The following COL24A1 variants were observed in gnomAD, a reference collection of about 807,000 sequenced individuals.
COL24A1 encodes the protein collagen type XXIV alpha 1 chain.
COL24A1 carries 224 observed loss-of-function variants against 253.9 expected under a neutral mutation model. The ratio of observed to expected loss-of-function variants is 0.88; its 90% CI spans 0.79 to 0.99. The LOEUF is 0.99. Among genes scored for constraint, COL24A1 ranks in the 50% least tolerant of loss-of-function variants. COL24A1 has a pLI of 0.00. For missense variants in COL24A1, 2,131 were observed against 2,068.5 expected (o/e 1.03, Z -0.59); for synonymous variants, 685 against 673.7 (o/e 1.02, Z -0.26).
At chr1:85,876,121 G>A (rs1262396790) in intron 33 of COL24A1, among the ~76,000 whole-genome samples, 1 of 151,966 alleles carries the variant, frequency 6.6e-6, no homozygotes, top group Non-Finnish European at 1.5e-5. Flanking sequence ...GGAAACGAAT[G>A]ATATAAGAAT....
chr1:85,803,444 A>G (rs1671644263), intron 47 of COL24A1, among the ~76,000 whole-genome samples: 1 of 150,910 alleles, frequency 6.6e-6, no homozygotes, highest in African/African-American at 2.4e-5. Flanking sequence ...AAAAAAAAAA[A>G]ACCATAAACA....
At chr1:86,096,044 C>T (rs1326468902) in intron 5 of COL24A1, among the ~76,000 whole-genome samples, 1 of 152,054 alleles carries the variant, frequency 6.6e-6, no homozygotes, top group Non-Finnish European at 1.5e-5. Flanking sequence ...AAACACCAAA[C>T]AATTCATTTA....
At chr1:86,089,971 G>C (rs1444222558) in intron 6 of COL24A1, among the ~76,000 whole-genome samples, 1 of 152,188 alleles carries the variant, frequency 6.6e-6, no homozygotes, top group Non-Finnish European at 1.5e-5. Context: ...CACGGGCTGT[G>C]GTGGGACCAG....
chr1:85,803,301 G>A (rs1671624019), intron 47 of COL24A1, among the ~76,000 whole-genome samples: 1 of 151,912 alleles, frequency 6.6e-6, no homozygotes, highest in Non-Finnish European at 1.5e-5. Flanking sequence ...ATGGTGGCAT[G>A]CACCTGTAAT....
chr1:86,073,007 A>C (rs1363239829), intron 7 of COL24A1, among the ~76,000 whole-genome samples: 1 of 152,214 alleles, frequency 6.6e-6, no homozygotes. Flanking sequence ...AGATAAATCC[A>C]CAAAGATCAG....
intron 2 of COL24A1, among the ~76,000 whole-genome samples, chr1:86,141,598 C>T (rs1651087439): frequency 6.6e-6 from 1 of 152,048 alleles, no homozygotes; most frequent in Admixed American, 6.5e-5. Context: ...TGTAGCCTAA[C>T]AAAATAGTCA....
intron 19 of COL24A1, among the ~76,000 whole-genome samples, chr1:86,011,852 G>A (rs933434107): frequency 2.6e-5 from 4 of 152,268 alleles, no homozygotes; most frequent in African/African-American, 9.6e-5. Flanking sequence ...CATTCTATTG[G>A]ATAAAGGTTC....
chr1:85,820,936 T>A (rs550701160), intron 45 of COL24A1, among the ~76,000 whole-genome samples: 1 of 152,370 alleles, frequency 6.6e-6, no homozygotes, highest in East Asian at 1.9e-4. Flanking sequence ...TTTGTTTGTT[T>A]AAATGAGGCT....
intron 5 of COL24A1, among the ~76,000 whole-genome samples, chr1:86,105,605 C>T (rs1704902891): frequency 6.6e-6 from 1 of 152,038 alleles, no homozygotes; most frequent in Admixed American, 6.5e-5. Flanking sequence ...CCTAGGGGAA[C>T]AGTCTCCTAT....
chr1:86,151,810 T>C (rs763574749), intron 1 of COL24A1, among the ~76,000 whole-genome samples: 1 of 152,228 alleles, frequency 6.6e-6, no homozygotes, highest in Non-Finnish European at 1.5e-5. Flanking sequence ...TGCTCACTTC[T>C]ACATAGATTC....
At chr1:85,770,530 A>C (rs1057337639) in intron 53 of COL24A1, among the ~76,000 whole-genome samples, 1 of 151,794 alleles carries the variant, frequency 6.6e-6, no homozygotes, top group East Asian at 1.9e-4. Context: ...AAAAAAAAAC[A>C]AAAGGATGGG....
chr1:85,812,761 A>T (rs1672674103), intron 47 of COL24A1, among the ~76,000 whole-genome samples: 1 of 152,238 alleles, frequency 6.6e-6, no homozygotes, highest in Admixed American at 6.5e-5. Flanking sequence ...CCTTTAGTGG[A>T]TATCAGTCAA....
At chr1:86,110,508 G>A (rs1188305034) in intron 5 of COL24A1, among the ~76,000 whole-genome samples, 1 of 151,990 alleles carries the variant, frequency 6.6e-6, no homozygotes, top group African/African-American at 2.4e-5. Context: ...GGCCCTCTCC[G>A]TGCTGGCCCA....
intron 5 of COL24A1, among the ~76,000 whole-genome samples, chr1:86,109,971 C>T (rs1394938133): frequency 6.6e-6 from 1 of 152,142 alleles, no homozygotes; most frequent in East Asian, 1.9e-4. Flanking sequence ...GAAAGCAAGC[C>T]TTCAGTAGAT....
intron 1 of COL24A1, among the ~76,000 whole-genome samples, chr1:86,152,786 C>T (rs1652949979): frequency 6.6e-6 from 1 of 152,186 alleles, no homozygotes; most frequent in African/African-American, 2.4e-5. Context: ...CTGGCACATA[C>T]TAGTGTTAGA....
chr1:86,045,715 G>C (rs1699850890), intron 12 of COL24A1: 2 of 311,618 alleles, frequency 6.4e-6, no homozygotes, highest in Non-Finnish European at 6.3e-6. Context: ...TATAAGATTA[G>C]CTTCTACGTT....
intron 3 of COL24A1, among the ~76,000 whole-genome samples, chr1:86,122,544 C>T (rs965387903): frequency 2.6e-5 from 4 of 151,962 alleles, no homozygotes; most frequent in Admixed American, 2.0e-4. Flanking sequence ...ACCAACAGCT[C>T]TTTAAATGTT....
Position 86,055,944 on chromosome 1 carries a change from C to T in COL24A1, c.1851+1987G>A, listed in dbSNP as rs180831247. 4.4e-4 allele frequency among the ~76,000 whole-genome samples: 67 copies of T among 151,846 alleles called. 1 individual carries two copies. The East Asian group carries it at 0.01, about 24-fold the overall frequency. On this transcript the variant is annotated intron_variant, in intron 10 of 59. Coordinates refer to ENST00000370571, the MANE Select transcript of COL24A1 (RefSeq NM_152890.7). ...GAGACCAGCCTGGCCAATATGAATC[C>T]CCATCTCTACTAAAAATACAAAAAT...
intron 47 of COL24A1, among the ~76,000 whole-genome samples, chr1:85,802,771 T>C (rs370139379): frequency 1.3e-5 from 2 of 152,188 alleles, no homozygotes; most frequent in African/African-American, 2.4e-5. Context: ...GAAAACCCGA[T>C]TAGCTTTTTA....
Sources: gnomAD v4.1 joint callset for allele counts (sites outside exome capture counted in the v4.1 genomes callset) on GRCh38, gnomAD v4.1.1 for gene constraint, MANE v1.5 for transcripts, NCBI Gene and HGNC (gene_info 2026-07-23, HGNC 2026-07-21) for gene names.